CYTH3: variants seen among roughly 807,000 people sequenced by gnomAD.
CYTH3 encodes cytohesin-3.
In CYTH3, 23 loss-of-function variants were observed where a neutral mutation model predicts 55.1. The ratio of observed to expected loss-of-function variants is 0.42; its 90% CI spans 0.30 to 0.59. The LOEUF is 0.59. Among genes scored for constraint, CYTH3 ranks in the 20% least tolerant of loss-of-function variants. The pLI is 0.20. For missense variants in CYTH3, 413 were observed against 524.8 expected (o/e 0.79, Z 2.08); for synonymous variants, 249 against 194.9 (o/e 1.28, Z -2.31).
At chr7:6,190,760 A>G (rs1358969245) in intron 1 of CYTH3, among the ~76,000 whole-genome samples, 3 of 152,176 alleles carry the variant, frequency 2.0e-5, no homozygotes, top group Non-Finnish European at 4.4e-5. Flanking sequence ...GTACATTCAT[A>G]AAATAGAATC....
Position 6,165,102 on chromosome 7 carries a change from C to A in CYTH3, c.1128-86G>T, listed in dbSNP as rs1054917835. Reference sequence around the variant, plus strand: ...CCACCAGCCCCAGAGGCCCCTCAGACAGGACCGCAGGCTCAGATCTGAACG... The same window carrying A: ...CCACCAGCCCCAGAGGCCCCTCAGAAAGGACCGCAGGCTCAGATCTGAACG... On this transcript the variant is annotated intron_variant, in intron 12 of 12. Transcript: ENST00000350796. 23 of 1,585,542 alleles carry A rather than the reference C, an allele frequency of 1.5e-5. No homozygotes were observed. In the African/African-American group the frequency reaches 2.7e-4, roughly 19 times the overall value.
rs189485123 is a variant in CYTH3, at chr7:6,253,887, G to A, written c.34+18587C>T. Among the ~76,000 whole-genome samples the A allele has an allele frequency of 2.4e-3, 366 of 151,962 alleles. 2 individuals are homozygous for A. Among genetic ancestry groups the A allele is most frequent in the African/African-American group, 8.1e-3 (336 of 41,406 alleles). On this transcript the variant is annotated intron_variant, in intron 1 of 12. Coordinates refer to ENST00000350796, the MANE Select transcript of CYTH3 (RefSeq NM_004227.4). The stretch of plus-strand genomic sequence containing the variant: ...AGGCACCTGTAATCCCAACTACTCG[G>A]GAGGGTGAGGCAGGAGAATCACTTG...
intron 1 of CYTH3, among the ~76,000 whole-genome samples, chr7:6,229,630 T>C (rs1332487929): frequency 2.2e-5 from 3 of 137,382 alleles, no homozygotes; most frequent in Non-Finnish European, 1.5e-5. Context: ...GCCAACATAG[T>C]GAAACCCCGT....
chr7:6,217,296 T>A (rs1189011299), intron 1 of CYTH3, among the ~76,000 whole-genome samples: 1 of 152,198 alleles, frequency 6.6e-6, no homozygotes, highest in African/African-American at 2.4e-5. Context: ...AAATTATACA[T>A]GACCCACCTA....
At chr7:6,187,228 C>T (rs535734824) in intron 3 of CYTH3, 112 bp from the exon 4 acceptor site, 368 of 1,178,436 alleles carry the variant, frequency 3.1e-4, no homozygotes, top group Non-Finnish European at 4.2e-4. Flanking sequence ...AAGCGAAGCA[C>T]AGGCCCTCAC....
chr7:6,203,588 A>G (rs1177057471), intron 1 of CYTH3, among the ~76,000 whole-genome samples: 1 of 152,242 alleles, frequency 6.6e-6, no homozygotes, highest in African/African-American at 2.4e-5. Flanking sequence ...TGTGTCACTA[A>G]TGCCTTCGAT....
intron 1 of CYTH3, among the ~76,000 whole-genome samples, chr7:6,259,757 T>TATTATATATATATAA (rs1554255069): frequency 1.1e-4 from 4 of 37,464 alleles, no homozygotes; most frequent in East Asian, 1.2e-3. Context: ...TATATATATA[T>TATTATATATATATAA]TATATATATA....
chr7:6,166,017 T>C (rs1782991704), intron 9 of CYTH3, among the ~76,000 whole-genome samples: 1 of 152,172 alleles, frequency 6.6e-6, no homozygotes, highest in Admixed American at 6.5e-5. Flanking sequence ...ACGGCACTGA[T>C]GGGCCCCTTG....
At chr7:6,250,036 C>T (rs745946279) in intron 1 of CYTH3, among the ~76,000 whole-genome samples, 12 of 152,152 alleles carry the variant, frequency 7.9e-5, no homozygotes, top group Non-Finnish European at 1.6e-4. Context: ...CAGTCTCTTC[C>T]CTGTCATTTG....
At chr7:6,220,587 A>G (rs974792154) in intron 1 of CYTH3, among the ~76,000 whole-genome samples, 3 of 151,932 alleles carry the variant, frequency 2.0e-5, no homozygotes, top group African/African-American at 7.2e-5. Flanking sequence ...AAAAAAAAAA[A>G]AAAAAAAACC....
intron 1 of CYTH3, among the ~76,000 whole-genome samples, chr7:6,233,328 T>C (rs527984532): frequency 6.6e-6 from 1 of 152,366 alleles, no homozygotes; most frequent in Non-Finnish European, 1.5e-5. Context: ...AAGCTTTAGC[T>C]TTGACCCATA....
intron 1 of CYTH3, among the ~76,000 whole-genome samples, chr7:6,203,672 G>A (rs1159035419): frequency 6.6e-6 from 1 of 151,892 alleles, no homozygotes; most frequent in Non-Finnish European, 1.5e-5. Flanking sequence ...GTTGGAATCT[G>A]TAAATAAGCT....
At chr7:6,271,102 A>G (rs1481242125) in intron 1 of CYTH3, among the ~76,000 whole-genome samples, 1 of 151,852 alleles carries the variant, frequency 6.6e-6, no homozygotes, top group Non-Finnish European at 1.5e-5. Context: ...TCATGGCTCC[A>G]GACAGCCTGA....
At chr7:6,265,827 G>A (rs78433293) in intron 1 of CYTH3, among the ~76,000 whole-genome samples, 1 of 152,162 alleles carries the variant, frequency 6.6e-6, no homozygotes, top group African/African-American at 2.4e-5. Context: ...ACCATGAGAA[G>A]GCTTAAGGCA....
At chr7:6,196,816 C>T (rs906465456) in intron 1 of CYTH3, among the ~76,000 whole-genome samples, 3 of 152,212 alleles carry the variant, frequency 2.0e-5, no homozygotes, top group Non-Finnish European at 4.4e-5. Context: ...CTGACTGACA[C>T]TATCCTGTTA....
chr7:6,196,750 C>T (rs1783943822), intron 1 of CYTH3, among the ~76,000 whole-genome samples: 1 of 152,052 alleles, frequency 6.6e-6, no homozygotes, highest in Non-Finnish European at 1.5e-5. Flanking sequence ...CGTGAGCCAC[C>T]GCGCCCAGCC....
intron 3 of CYTH3, among the ~76,000 whole-genome samples, chr7:6,187,338 C>T (rs1051174717): frequency 2.0e-5 from 3 of 152,240 alleles, no homozygotes; most frequent in Non-Finnish European, 4.4e-5. Flanking sequence ...GCTAATGATG[C>T]AAACCAGTGA....
chr7:6,249,722 T>C (rs1291711257), intron 1 of CYTH3, among the ~76,000 whole-genome samples: 1 of 152,188 alleles, frequency 6.6e-6, no homozygotes, highest in Non-Finnish European at 1.5e-5. Flanking sequence ...TTTCCCCACC[T>C]ACGTTGAGAT....
At chr7:6,188,508 T>C (rs899701411) in intron 2 of CYTH3, among the ~76,000 whole-genome samples, 1 of 151,992 alleles carries the variant, frequency 6.6e-6, no homozygotes, top group Non-Finnish European at 1.5e-5. Context: ...TGTGTTTAGA[T>C]CGGTGGTCTC....
Sources: allele counts gnomAD v4.1 joint callset (sites outside exome capture counted in the v4.1 genomes callset), GRCh38; gene constraint gnomAD v4.1.1; transcripts MANE v1.5; gene names NCBI Gene and HGNC (gene_info 2026-07-23, HGNC 2026-07-21).